The following TMEM143 variants were observed in gnomAD, a reference collection of about 807,000 sequenced individuals.
The protein encoded by TMEM143 is transmembrane protein 143.
A neutral mutation model predicts 40.3 loss-of-function variants in TMEM143; 45 were observed. The ratio of observed to expected loss-of-function variants is 1.12; its 90% CI spans 0.88 to 1.43. TMEM143 has a LOEUF of 1.43. Ranked by LOEUF, TMEM143 falls within the 40% of genes most tolerant of loss-of-function variation. The pLI, the probability that TMEM143 is intolerant of heterozygous loss-of-function variation, is 0.00. For missense variants in TMEM143, 620 were observed against 613.4 expected, an observed-to-expected ratio of 1.01 and a Z score of -0.11; for synonymous variants, 299 against 282.7, an observed-to-expected ratio of 1.06 and a Z score of -0.58.
At chr19:48,341,313 T>G (rs539832397) in intron 6 of TMEM143, among the ~76,000 whole-genome samples, 1 of 152,318 alleles carries the variant, frequency 6.6e-6, no homozygotes, top group African/African-American at 2.4e-5. Context: ...AATCCTTGGA[T>G]GGTGAACAAC....
intron 6 of TMEM143, among the ~76,000 whole-genome samples, chr19:48,336,938 G>A (rs890859067): frequency 4.0e-5 from 6 of 150,552 alleles, no homozygotes; most frequent in Admixed American, 6.6e-5. Flanking sequence ...GGAGAATGGC[G>A]TGAACCTGGG....
chr19:48,337,679 G>A (rs1426182632), intron 6 of TMEM143, among the ~76,000 whole-genome samples: 4 of 151,978 alleles, frequency 2.6e-5, no homozygotes, highest in African/African-American at 4.8e-5. Context: ...ATCTCACACC[G>A]AGGCCTGAGG....
intron 5 of TMEM143, chr19:48,343,036 C>T (rs1467771181): frequency 7.3e-6 from 5 of 684,798 alleles, no homozygotes; most frequent in Middle Eastern, 4.1e-4. Context: ...TGTTGGAATC[C>T]TGGCCGTGCC....
At chr19:48,352,683 G>A (rs952992665) in intron 3 of TMEM143, among the ~76,000 whole-genome samples, 1 of 151,934 alleles carries the variant, frequency 6.6e-6, no homozygotes, top group Admixed American at 6.6e-5. Flanking sequence ...GCTGAGGCAG[G>A]AGAATCACTT....
At chr19:48,351,481 C>G (rs1051094554) in intron 3 of TMEM143, among the ~76,000 whole-genome samples, 1 of 152,162 alleles carries the variant, frequency 6.6e-6, no homozygotes, top group Non-Finnish European at 1.5e-5. Context: ...TACAGCAATT[C>G]CAGTCTTTGC....
chr19:48,340,091 T>A (rs1969455949), intron 6 of TMEM143, among the ~76,000 whole-genome samples: 2 of 149,830 alleles, frequency 1.3e-5, no homozygotes, highest in Admixed American at 6.7e-5. Flanking sequence ...CATGAATTCA[T>A]GAATACACTA....
intron 3 of TMEM143, among the ~76,000 whole-genome samples, chr19:48,349,487 T>A (rs1243109633): frequency 6.6e-6 from 1 of 151,902 alleles, no homozygotes; most frequent in Non-Finnish European, 1.5e-5. Context: ...CTACTAAAAA[T>A]ACAAAAAATT....
At chr19:48,337,057 C>T (rs1969387322) in intron 6 of TMEM143, among the ~76,000 whole-genome samples, 3 of 151,808 alleles carry the variant, frequency 2.0e-5, no homozygotes, top group Admixed American at 2.0e-4. Context: ...AAAAGAAAAC[C>T]TGTACCTGTA....
At chr19:48,351,261 TG>T (rs1969767923) in intron 3 of TMEM143, among the ~76,000 whole-genome samples, 1 of 152,168 alleles carries the variant, frequency 6.6e-6, no homozygotes, top group South Asian at 2.1e-4. Context: ...GCCCAAAGCC[TG>T]GGGGTCATCC....
At chr19:48,356,123 CT>C (rs1350695094) in intron 3 of TMEM143, among the ~76,000 whole-genome samples, 162 of 143,846 alleles carry the variant, frequency 1.1e-3, no homozygotes, top group Admixed American at 1.0e-3. Context: ...CTTTTTTTTT[CT>C]TTTTTTTTTT....
At chr19:48,348,155 T>G (rs1174959827) in intron 3 of TMEM143, among the ~76,000 whole-genome samples, 1 of 152,120 alleles carries the variant, frequency 6.6e-6, no homozygotes, top group Non-Finnish European at 1.5e-5. Flanking sequence ...AGAGTGACCT[T>G]GAGAAATTCC....
chr19:48,350,960 G>A (rs1438102934), intron 3 of TMEM143, among the ~76,000 whole-genome samples: 1 of 151,090 alleles, frequency 6.6e-6, no homozygotes, highest in East Asian at 1.9e-4. Flanking sequence ...GACTTAATTG[G>A]GTCTTTGTGG....
At chr19:48,343,599 G>T in intron 4 of TMEM143, 148 bp from the exon 5 acceptor site, 1 of 1,064,812 alleles carries the variant, frequency 9.4e-7, no homozygotes, top group Non-Finnish European at 1.3e-6. Context: ...GTCACATATG[G>T]TTGTCCATGT....
At chr19:48,356,964 G>C (rs1040754108) in intron 3 of TMEM143, among the ~76,000 whole-genome samples, 1 of 135,378 alleles carries the variant, frequency 7.4e-6, no homozygotes, top group African/African-American at 2.8e-5. Flanking sequence ...GAGTGCAGTG[G>C]CGCGATCTCG....
At chr19:48,343,938 GT>G (rs1284516932) in intron 4 of TMEM143, among the ~76,000 whole-genome samples, 1 of 152,146 alleles carries the variant, frequency 6.6e-6, no homozygotes, top group Non-Finnish European at 1.5e-5. Flanking sequence ...CCAGGCGGGA[GT>G]GCAGTGGCAC....
rs920624976 is a variant in TMEM143, at chr19:48,363,181, C to T, written c.264+110G>A. Reference sequence around the variant, plus strand: ...GAAACACGAAGGGACCCGGGAACTACAACTCCCAGGAGGCGCCAGGGCAGC... The same window carrying T: ...GAAACACGAAGGGACCCGGGAACTATAACTCCCAGGAGGCGCCAGGGCAGC... On this transcript the variant is annotated intron_variant, in intron 2 of 7. Coordinates refer to ENST00000293261, the MANE Select transcript of TMEM143 (RefSeq NM_018273.4). The T allele has an allele frequency of 1.0e-4, 146 of 1,431,926 alleles. No individual in the cohort carries two copies. The East Asian group carries it at 3.5e-3, about 34-fold the overall frequency. 88.7% of individuals were successfully genotyped at this position (1,431,926 alleles called of 1,614,324 possible). A position where few individuals can be genotyped will look rare whatever the true frequency, so the allele number is the denominator to read the frequency against.
At position 48,363,446 on chromosome 19, in the gene TMEM143, G is replaced by A; in HGVS notation, c.109C>T (p.Leu37Phe). Residue 37 changes from leucine to phenylalanine, a missense_variant, in exon 2 of 8, where the codon CTC becomes TTC. Transcript: ENST00000293261. ...RVRVWPLLPA[L>F]LGPPRALSSL... is the part of the protein sequence containing the mutation. ...GAGAGGGCCCGGGGGGGCCCGAGGA[G>A]CGCGGGCAACAGTGGCCATACTCGG... 1 of 1,613,974 alleles carries A rather than the reference G, an allele frequency of 6.2e-7. No homozygotes were observed. The highest frequency in any genetic ancestry group is 1.1e-5 in the South Asian group (1 of 91,086).
At chr19:48,343,921 C>T (rs1353780266) in intron 4 of TMEM143, among the ~76,000 whole-genome samples, 2 of 152,302 alleles carry the variant, frequency 1.3e-5, no homozygotes, top group South Asian at 2.1e-4. Context: ...TTGTCTCACT[C>T]TGTCACCCAG....
At chr19:48,349,841 C>A (rs2147374072) in intron 3 of TMEM143, among the ~76,000 whole-genome samples, 1 of 152,066 alleles carries the variant, frequency 6.6e-6, no homozygotes, top group Admixed American at 6.6e-5. Flanking sequence ...GAACTCCCTG[C>A]AGTGAGGGAA....
Sources: gnomAD v4.1 joint callset for allele counts (sites outside exome capture counted in the v4.1 genomes callset) on GRCh38, gnomAD v4.1.1 for gene constraint, MANE v1.5 for transcripts, NCBI Gene and HGNC (gene_info 2026-07-23, HGNC 2026-07-21) for gene names.